Variants in ANK2 observed in about 807,000 individuals in gnomAD.
The protein encoded by ANK2 is ankyrin-2.
In ANK2, 83 loss-of-function variants were observed where a neutral mutation model predicts 360.5. That is an observed-to-expected ratio of 0.23 (90% CI 0.19 to 0.28). The LOEUF is 0.28. ANK2 is among the 10% of genes least tolerant of loss of function. ANK2 has a pLI of 1.00. For missense variants in ANK2, 4,201 were observed against 4,795.7 expected (o/e 0.88, Z 3.66); for synonymous variants, 1,740 against 1,759.5 (o/e 0.99, Z 0.28).
the ANK2 span, among the ~76,000 whole-genome samples, chr4:112,737,112 A>G: frequency 6.6e-6 from 1 of 152,128 alleles, no homozygotes; most frequent in Non-Finnish European, 1.5e-5. Flanking sequence ...TCTAACTATC[A>G]GTTTCATTGT....
chr4:113,285,527 A>G (rs181691373), intron 18 of ANK2, among the ~76,000 whole-genome samples: 1 of 152,210 alleles, frequency 6.6e-6, no homozygotes, highest in Admixed American at 6.5e-5. Flanking sequence ...ACAGTTTCTT[A>G]TAAAGGCTAT....
At chr4:113,293,367 C>T (rs2068904829) in intron 21 of ANK2, 73 bp from the exon 22 acceptor site, 12 of 1,274,598 alleles carry the variant, frequency 9.4e-6, no homozygotes, top group Non-Finnish European at 1.4e-5. Context: ...TGCAGAGCAG[C>T]GGGTGAGCTC....
intron 1 of ANK2, among the ~76,000 whole-genome samples, chr4:113,055,871 C>T (rs2069476647): frequency 6.6e-6 from 1 of 152,188 alleles, no homozygotes; most frequent in Non-Finnish European, 1.5e-5. Context: ...CTGTGGTTAT[C>T]TTCTAAGATA....
At chr4:112,808,160 G>C in the ANK2 span, among the ~76,000 whole-genome samples, 359 of 152,348 alleles carry the variant, frequency 2.4e-3, no homozygotes, top group African/African-American at 5.9e-3. Context: ...AATAACAGCT[G>C]AGTGTCCAGA....
intron 2 of ANK2, among the ~76,000 whole-genome samples, chr4:113,015,145 A>G (rs541920450): frequency 6.6e-6 from 1 of 152,310 alleles, no homozygotes; most frequent in South Asian, 2.1e-4. Context: ...GGCGTGAGCC[A>G]CCGCGCCCGG....
At chr4:113,321,613 T>C (rs959023371) in intron 26 of ANK2, among the ~76,000 whole-genome samples, 8 of 152,206 alleles carry the variant, frequency 5.3e-5, no homozygotes, top group Admixed American at 3.9e-4. Context: ...GAGTTTTTTG[T>C]AATTTTATTC....
the ANK2 span, among the ~76,000 whole-genome samples, chr4:112,769,340 C>G: frequency 6.6e-6 from 1 of 152,138 alleles, no homozygotes; most frequent in Non-Finnish European, 1.5e-5. Flanking sequence ...ACCACATTGC[C>G]CAGCACAGAG....
intron 9 of ANK2, among the ~76,000 whole-genome samples, chr4:113,244,742 T>C (rs752496238): frequency 6.6e-6 from 1 of 152,146 alleles, no homozygotes; most frequent in Non-Finnish European, 1.5e-5. Flanking sequence ...ACAATAGGTA[T>C]TTCTCCTAAT....
intron 14 of ANK2, among the ~76,000 whole-genome samples, chr4:113,271,502 A>ACACACACT: frequency 6.6e-6 from 1 of 151,598 alleles, no homozygotes; most frequent in Non-Finnish European, 1.5e-5. Flanking sequence ...ACACACACAC[A>ACACACACT]CTTTTGGAAA....
At chr4:113,329,667 A>G (rs1335609532) in intron 26 of ANK2, among the ~76,000 whole-genome samples, 2 of 152,170 alleles carry the variant, frequency 1.3e-5, no homozygotes, top group Admixed American at 1.3e-4. Flanking sequence ...TAAAAAGTAC[A>G]TTTTAACCAG....
At chr4:112,797,794 AGGC>A in the ANK2 span, 2 of 156,630 alleles carry the variant, frequency 1.3e-5, no homozygotes, top group Non-Finnish European at 2.8e-5. Flanking sequence ...AAATAATAGG[AGGC>A]TCTTCTGCTA....
rs925071738 is a variant in ANK2, at chr4:113,289,799, T to A, written c.2277+1313T>A. On this transcript the variant is annotated intron_variant, in intron 20 of 45. Transcript: ENST00000357077. ...CAAGAATAGCTTGCTGCCTAGTTTC[T>A]GACCAGTTCTTAAGTTCTCATGAAA... Among the ~76,000 whole-genome samples the A allele has an allele frequency of 3.3e-5, 5 of 152,340 alleles. No individual in the cohort carries two copies. The East Asian group carries it at 9.6e-4, about 29-fold the overall frequency.
At chr4:112,931,429 T>A (rs896616235) in intron 2 of ANK2, among the ~76,000 whole-genome samples, 1 of 140,232 alleles carries the variant, frequency 7.1e-6, no homozygotes, top group Non-Finnish European at 1.5e-5. Context: ...GATTTCTTTC[T>A]TTTCTTTTTT....
the ANK2 span, among the ~76,000 whole-genome samples, chr4:112,754,148 T>TATATATATATATATAA: frequency 1.7e-5 from 2 of 119,718 alleles, no homozygotes; most frequent in African/African-American, 6.2e-5. Flanking sequence ...TATATATATA[T>TATATATATATATATAA]AAAATTGCAT....
chr4:113,106,899 C>A (rs2093692929), intron 1 of ANK2: 1 of 533,392 alleles, frequency 1.9e-6, no homozygotes. Context: ...AAATAAAGGT[C>A]CATCTCCTGC....
chr4:112,842,715 T>TAGGA (rs1423303987), intron 1 of ANK2, among the ~76,000 whole-genome samples: 1 of 152,218 alleles, frequency 6.6e-6, no homozygotes, highest in Non-Finnish European at 1.5e-5. Flanking sequence ...GCTCAGCTCC[T>TAGGA]GCTGTGCGGC....
At chr4:113,367,432 T>G (rs533813678) in intron 41 of ANK2, 134 bp from the exon 42 acceptor site, 1 of 809,884 alleles carries the variant, frequency 1.2e-6, no homozygotes, top group Admixed American at 2.3e-5. Flanking sequence ...TTCATCTTTG[T>G]AATCCATGGG....
At chr4:113,024,381 TTC>T (rs892642296) in intron 2 of ANK2, among the ~76,000 whole-genome samples, 117 of 152,318 alleles carry the variant, frequency 7.7e-4, no homozygotes, top group African/African-American at 2.7e-3. Context: ...ATTAAAATTT[TTC>T]TCTCTCTAGT....
intron 1 of ANK2, among the ~76,000 whole-genome samples, chr4:112,865,242 C>T (rs192775088): frequency 2.0e-5 from 3 of 152,042 alleles, no homozygotes; most frequent in African/African-American, 4.8e-5. Context: ...AGTCATGAAA[C>T]TTAATGTCGG....
Sources: allele counts gnomAD v4.1 joint callset (sites outside exome capture counted in the v4.1 genomes callset), GRCh38; gene constraint gnomAD v4.1.1; transcripts MANE v1.5; gene names NCBI Gene and HGNC (gene_info 2026-07-23, HGNC 2026-07-21).